Variants in HNRNPC observed in about 807,000 individuals in gnomAD.
HNRNPC encodes the protein heterogeneous nuclear ribonucleoproteins C1/C2.
Under a neutral mutation model 33.2 loss-of-function variants are expected in HNRNPC, and 3 were observed. The observed-to-expected ratio is 0.09, with a 90% CI of 0.04 to 0.23. The LOEUF is 0.23. Ranked by LOEUF, HNRNPC falls within the 10% of genes least tolerant of loss-of-function variation. The pLI is 1.00. For missense variants in HNRNPC, 143 were observed against 366.7 expected, an observed-to-expected ratio of 0.39 and a Z score of 4.98; for synonymous variants, 121 against 126.7, an observed-to-expected ratio of 0.96 and a Z score of 0.30.
chr14:21,209,951 C>T lies in HNRNPC; in HGVS notation c.*1272G>A, dbSNP rs1453454740. ...AAGTTGAGGAAAACACAAAGATTAG[C>T]TAACAGGGGTAAAAGATCATTTAGA... On this transcript the variant is annotated 3_prime_UTR_variant, in exon 9 of 9. Coordinates refer to ENST00000553300, the MANE Select transcript of HNRNPC (RefSeq NM_004500.4). 2 of 152,230 alleles carry T rather than the reference C, an allele frequency of 1.3e-5. No homozygotes were observed. Among genetic ancestry groups the T allele is most frequent in the Admixed American group, 1.3e-4 (2 of 15,280 alleles). The allele number at this position is 152,230 out of a possible 1,614,324, so 9.4% of individuals were successfully genotyped here.
At chr14:21,220,070 C>G (rs556776045) in intron 5 of HNRNPC, among the ~76,000 whole-genome samples, 1 of 152,354 alleles carries the variant, frequency 6.6e-6, no homozygotes, top group South Asian at 2.1e-4. Flanking sequence ...CATTATCTTT[C>G]TCAGTAAGAG....
chr14:21,230,269 G>T, intron 5 of HNRNPC, 50 bp downstream of exon 5: 2 of 1,307,188 alleles, frequency 1.5e-6, no homozygotes, highest in Non-Finnish European at 2.2e-6. Flanking sequence ...AGAACGAAAT[G>T]GTTCTCACTA....
At chr14:21,268,484 A>T (rs2139092232) in intron 1 of HNRNPC, 1 of 152,354 alleles carries the variant, frequency 6.6e-6, no homozygotes, top group African/African-American at 2.4e-5. Context: ...TTAACTAGGT[A>T]TTCCATTAAC....
intron 2 of HNRNPC, among the ~76,000 whole-genome samples, chr14:21,235,047 T>C (rs1397675126): frequency 1.3e-5 from 2 of 152,306 alleles, no homozygotes; most frequent in African/African-American, 4.8e-5. Flanking sequence ...AATACACAAC[T>C]TTCCACGCAT....
chr14:21,249,620 C>G (rs544735665), intron 2 of HNRNPC, among the ~76,000 whole-genome samples: 39 of 133,008 alleles, frequency 2.9e-4, no homozygotes, highest in Admixed American at 2.3e-3. Flanking sequence ...AAAAAAGAAT[C>G]AATGAATTGG....
intron 5 of HNRNPC, 79 bp from the exon 6 acceptor site, chr14:21,213,196 G>GT (rs1891805485): frequency 7.2e-7 from 1 of 1,384,826 alleles, no homozygotes; most frequent in South Asian, 1.3e-5. Context: ...ATGATAAATA[G>GT]TAAGTGAATA....
chr14:21,257,067 T>C (rs1212745889), intron 2 of HNRNPC, among the ~76,000 whole-genome samples: 1 of 152,204 alleles, frequency 6.6e-6, no homozygotes. Context: ...AAGGCAACAG[T>C]ACACAAGAGA....
At chr14:21,241,519 A>G (rs138561522) in intron 2 of HNRNPC, among the ~76,000 whole-genome samples, 1 of 152,312 alleles carries the variant, frequency 6.6e-6, no homozygotes, top group African/African-American at 2.4e-5. Flanking sequence ...CTCTTTGGAT[A>G]CTATAAATTC....
intron 5 of HNRNPC, among the ~76,000 whole-genome samples, chr14:21,222,659 G>A (rs370733045): frequency 6.6e-5 from 10 of 152,186 alleles, no homozygotes; most frequent in African/African-American, 2.2e-4. Flanking sequence ...TTGGGAGGCC[G>A]AGGCAGGCAG....
At chr14:21,250,480 G>T (rs1896511848) in intron 2 of HNRNPC, among the ~76,000 whole-genome samples, 3 of 152,118 alleles carry the variant, frequency 2.0e-5, no homozygotes, top group Admixed American at 2.0e-4. Context: ...AAGGTATTTT[G>T]AATGTTAATC....
At chr14:21,231,399 C>G (rs756746847) in intron 3 of HNRNPC, 1 of 472,482 alleles carries the variant, frequency 2.1e-6, no homozygotes, top group South Asian at 1.5e-5. Flanking sequence ...CACTGTCATA[C>G]AAGCTGGAGT....
chr14:21,238,511 G>A (rs999277901), intron 2 of HNRNPC, among the ~76,000 whole-genome samples: 2 of 151,898 alleles, frequency 1.3e-5, no homozygotes, highest in Admixed American at 1.3e-4. Flanking sequence ...TACAAGCTTG[G>A]GATTTCTGTA....
chr14:21,214,935 A>C (rs1159159108), intron 5 of HNRNPC, among the ~76,000 whole-genome samples: 1 of 152,270 alleles, frequency 6.6e-6, no homozygotes, highest in African/African-American at 2.4e-5. Flanking sequence ...ATAAATATCT[A>C]ATCTACCTCC....
intron 5 of HNRNPC, among the ~76,000 whole-genome samples, chr14:21,226,452 G>A (rs1050932364): frequency 4.0e-5 from 6 of 151,718 alleles, no homozygotes; most frequent in Non-Finnish European, 8.8e-5. Flanking sequence ...TCCCAATCTC[G>A]CTTAATTCAA....
In HNRNPC at chr14:21,230,155, C is replaced by A. The variant is rs150633394; in HGVS notation, c.365+164G>T. 8.0e-3 allele frequency among the ~76,000 whole-genome samples: 1,212 copies of A among 152,262 alleles called. 20 individuals are homozygous for A. Among genetic ancestry groups the A allele is most frequent in the African/African-American group, 0.028 (1,156 of 41,530 alleles). On this transcript the variant is annotated intron_variant, in intron 5 of 8. Coordinates refer to ENST00000553300, the MANE Select transcript of HNRNPC (RefSeq NM_004500.4). ...ATAATGCATTAAAATCAGTATCACCCTACCTAATAATCTACTTAATGATTT... is the reference window on the plus strand; with the variant it reads ...ATAATGCATTAAAATCAGTATCACCATACCTAATAATCTACTTAATGATTT...
chr14:21,244,375 TA>T (rs1895708534), intron 2 of HNRNPC, among the ~76,000 whole-genome samples: 1 of 152,196 alleles, frequency 6.6e-6, no homozygotes, highest in South Asian at 2.1e-4. Flanking sequence ...ATGCAACAAA[TA>T]AAAAATTAAG....
intron 1 of HNRNPC, among the ~76,000 whole-genome samples, chr14:21,266,602 T>C (rs1177443832): frequency 6.6e-6 from 1 of 150,542 alleles, no homozygotes; most frequent in Non-Finnish European, 1.5e-5. Context: ...CCTGTAGTTA[T>C]GCTACACCTC....
intron 2 of HNRNPC, 94 bp from the exon 3 acceptor site, chr14:21,234,323 C>T (rs1894432331): frequency 8.6e-7 from 1 of 1,165,038 alleles, no homozygotes; most frequent in Non-Finnish European, 1.2e-6. Flanking sequence ...TCACTGTTAA[C>T]TGCCCAGAGT....
intron 5 of HNRNPC, among the ~76,000 whole-genome samples, chr14:21,221,811 G>A (rs1011510656): frequency 6.6e-6 from 1 of 152,052 alleles, no homozygotes; most frequent in Non-Finnish European, 1.5e-5. Context: ...GCACTTTGAG[G>A]CCGAGGCAGG....
Sources: gnomAD v4.1 joint callset for allele counts (sites outside exome capture counted in the v4.1 genomes callset) on GRCh38, gnomAD v4.1.1 for gene constraint, MANE v1.5 for transcripts, NCBI Gene and HGNC (gene_info 2026-07-23, HGNC 2026-07-21) for gene names.